AIF1L: variants seen among roughly 807,000 people sequenced by gnomAD.
The protein encoded by AIF1L is allograft inflammatory factor 1 like.
Under a neutral mutation model 20.7 loss-of-function variants are expected in AIF1L, and 12 were observed. The observed-to-expected ratio is 0.58, with a 90% confidence interval of 0.37 to 0.94. The LOEUF (loss-of-function observed/expected upper bound fraction) is 0.94. Among genes scored for constraint, AIF1L ranks in the 40% least tolerant of loss-of-function variants. The pLI is 0.01. For missense variants in AIF1L, 173 were observed against 185.3 expected (o/e 0.93, Z 0.39); for synonymous variants, 76 against 65.1 (o/e 1.17, Z -0.81).
chr9:131,111,872 C>T (rs895776955), intron 3 of AIF1L: 11 of 577,126 alleles, frequency 1.9e-5, no homozygotes, highest in African/African-American at 1.1e-4. Flanking sequence ...CTGCGGGCCC[C>T]GTCACCCCTC....
At chr9:131,118,017 G>T in intron 5 of AIF1L, 99 bp downstream of exon 5, 1 of 1,331,476 alleles carries the variant, frequency 7.5e-7, no homozygotes, top group Non-Finnish European at 1.0e-6. Context: ...CCACCTAGTA[G>T]GTAACTCATT....
rs969515377 is a variant in AIF1L at position 131,122,453 on chromosome 9, C to G, written c.*2131C>G. ...TGTAAATGGAAAATCCTACTTCTAC[C>G]CCCACCCTGCCCTGTTTTTTGTTTT... On this transcript the variant is annotated 3_prime_UTR_variant, in exon 6 of 6. Transcript: ENST00000247291. 1 of 149,808 alleles carries G rather than the reference C, an allele frequency of 6.7e-6. No homozygotes were observed. The highest frequency in any genetic ancestry group is 6.6e-5 in the Admixed American group (1 of 15,052). The allele number at this position is 149,808 out of a possible 1,614,324, so 9.3% of individuals were successfully genotyped here.
In AIF1L at chr9:131,120,265, G is replaced by A; in HGVS notation, c.396G>A (p.Glu132=). ...TGATGTTTGAAGGAAAAGCCAACGAGAGCAGCCCCAAGCCAGTTGGCCCCC... is the reference window on the plus strand; with the variant it reads ...TGATGTTTGAAGGAAAAGCCAACGAAAGCAGCCCCAAGCCAGTTGGCCCCC... ...LVMMFEGKAN[E]SSPKPVGPPP... The change falls in exon 6 of 6, where the codon GAG becomes GAA. Residue 132 remains glutamate (E), a synonymous_variant. Coordinates refer to ENST00000247291, the MANE Select transcript of AIF1L (RefSeq NM_031426.4). 1.2e-6 allele frequency: 2 copies of A among 1,613,698 alleles called. No homozygotes were observed. The highest frequency in any genetic ancestry group is 1.7e-6 in the Non-Finnish European group (2 of 1,179,910).
At chr9:131,105,241 C>A (rs1024038430) in intron 2 of AIF1L, among the ~76,000 whole-genome samples, 1 of 152,228 alleles carries the variant, frequency 6.6e-6, no homozygotes, top group Non-Finnish European at 1.5e-5. Context: ...GCTCCCCCAT[C>A]CCCTACCCAG....
At chr9:131,111,709 G>A (rs1395778188) in intron 3 of AIF1L, 46 bp downstream of exon 3, 2 of 1,580,688 alleles carry the variant, frequency 1.3e-6, no homozygotes, top group Middle Eastern at 1.7e-4. Context: ...GGGGAGGTGG[G>A]CTGGCCCCTC....
At chr9:131,114,474 A>G in intron 3 of AIF1L, 103 bp from the exon 4 acceptor site, 1 of 1,349,844 alleles carries the variant, frequency 7.4e-7, no homozygotes. Flanking sequence ...GAGGTGGTTC[A>G]GACTCCTGAG....
Position 131,096,570 on chromosome 9 carries a change from T to G in AIF1L, c.-60T>G. 2.0e-6 allele frequency: 3 copies of G among 1,479,662 alleles called. No individual in the cohort carries two copies. The highest frequency in any genetic ancestry group is 2.7e-6 in the Non-Finnish European group (3 of 1,123,106). The allele number at this position is 1,479,662 out of a possible 1,614,324, so 91.7% of individuals were successfully genotyped here. ...GGAGCCCGGACCAGGCGCCTGTGCC[T>G]CCTCCTCGTCCCTCGCCGCGTCCGC... On this transcript the variant is annotated 5_prime_UTR_variant, in exon 1 of 6. Transcript: ENST00000247291.
At chr9:131,100,604 G>A (rs948363341) in intron 2 of AIF1L, among the ~76,000 whole-genome samples, 1 of 152,230 alleles carries the variant, frequency 6.6e-6, no homozygotes, top group African/African-American at 2.4e-5. Context: ...GTGCACGCAC[G>A]TGTGTACATA....
At chr9:131,110,505 C>CTT (rs199767868) in intron 2 of AIF1L, among the ~76,000 whole-genome samples, 5 of 138,438 alleles carry the variant, frequency 3.6e-5, no homozygotes, top group African/African-American at 5.3e-5. Context: ...TTTTTCTTTT[C>CTT]TTTTTTTTTT....
intron 3 of AIF1L, 77 bp from the exon 4 acceptor site, chr9:131,114,500 C>T (rs1830964225): frequency 1.3e-6 from 2 of 1,543,792 alleles, no homozygotes; most frequent in Non-Finnish European, 1.8e-6. Context: ...GGTCATTTGC[C>T]CACAAGGGAG....
chr9:131,106,355 G>A (rs1366592588), intron 2 of AIF1L: 4 of 986,644 alleles, frequency 4.1e-6, no homozygotes, highest in Non-Finnish European at 6.2e-6. Flanking sequence ...TTCTAGCCGG[G>A]GAGGCAGAGA....
intron 2 of AIF1L, chr9:131,111,330 G>A (rs1220742165): frequency 4.8e-6 from 2 of 418,032 alleles, no homozygotes. Flanking sequence ...CCCAGCATTG[G>A]TAATGTAGCT....
At chr9:131,116,970 T>C (rs1341006169) in intron 4 of AIF1L, among the ~76,000 whole-genome samples, 4 of 152,146 alleles carry the variant, frequency 2.6e-5, no homozygotes, top group Non-Finnish European at 5.9e-5. Flanking sequence ...CCACGGCCCA[T>C]GGCCCCTACC....
intron 4 of AIF1L, among the ~76,000 whole-genome samples, chr9:131,115,218 G>A (rs1217826397): frequency 6.6e-6 from 1 of 152,150 alleles, no homozygotes; most frequent in Non-Finnish European, 1.5e-5. Context: ...GGGAGGCCAA[G>A]GCGTGGGGAT....
In AIF1L at chr9:131,106,286, C is replaced by G. The variant is rs183152978; in HGVS notation, c.94-5311C>G. 5.5e-4 allele frequency: 798 copies of G among 1,438,560 alleles called. 5 individuals carry two copies. Among genetic ancestry groups the G allele is most frequent in the Middle Eastern group, 5.0e-3 (29 of 5,804 alleles). The allele number at this position is 1,438,560 out of a possible 1,614,324, so 89.1% of individuals were successfully genotyped here. A position where few individuals can be genotyped will look rare whatever the true frequency, so the allele number is the denominator to read the frequency against. On this transcript the variant is annotated intron_variant, in intron 2 of 5. Transcript: ENST00000247291. ...TTCAGGCAAGTTAGTTAACCTGAGT[C>G]TCAACTCCTCCACTCATCCTGCACA...
At chr9:131,112,672 G>T (rs1331175418) in intron 3 of AIF1L, among the ~76,000 whole-genome samples, 7 of 152,134 alleles carry the variant, frequency 4.6e-5, no homozygotes, top group Non-Finnish European at 1.0e-4. Flanking sequence ...TTGAACTCAT[G>T]TCGGTCTGGC....
chr9:131,102,746 C>T (rs926656930), intron 2 of AIF1L: 1 of 366,986 alleles, frequency 2.7e-6, no homozygotes, highest in Non-Finnish European at 5.4e-6. Context: ...CTGCTACTCA[C>T]CAGGTGCCAG....
chr9:131,119,024 T>G (rs1831074180), intron 5 of AIF1L, among the ~76,000 whole-genome samples: 1 of 152,210 alleles, frequency 6.6e-6, no homozygotes, highest in African/African-American at 2.4e-5. Flanking sequence ...ATCTATAAAA[T>G]AGGGGTGATA....
intron 3 of AIF1L, chr9:131,112,290 G>C (rs1320052690): frequency 6.5e-6 from 1 of 152,700 alleles, no homozygotes; most frequent in Non-Finnish European, 1.5e-5. Context: ...TCCCTGCCAG[G>C]GGAGGCACTT....
Sources: gnomAD v4.1 joint callset for allele counts (sites outside exome capture counted in the v4.1 genomes callset) on GRCh38, gnomAD v4.1.1 for gene constraint, MANE v1.5 for transcripts, NCBI Gene and HGNC (gene_info 2026-07-23, HGNC 2026-07-21) for gene names.